Variants in PHF3 observed in about 807,000 individuals in gnomAD.
PHF3 encodes the protein PHD finger protein 3.
In PHF3, 41 loss-of-function variants were observed where a neutral mutation model predicts 178.4. The ratio of observed to expected loss-of-function variants is 0.23; its 90% CI spans 0.18 to 0.30. PHF3 has a LOEUF of 0.30. Among genes scored for constraint, PHF3 ranks in the 10% least tolerant of loss-of-function variants. The pLI, the probability that PHF3 is intolerant of heterozygous loss-of-function variation, is 1.00. For synonymous variants in PHF3, 842 were observed against 800.5 expected, an observed-to-expected ratio of 1.05 and a Z score of -0.88; for missense variants, 2,346 against 2,398.1, an observed-to-expected ratio of 0.98 and a Z score of 0.45.
intron 4 of PHF3, among the ~76,000 whole-genome samples, chr6:63,687,628 G>A (rs75849921): frequency 6.6e-6 from 1 of 152,212 alleles, no homozygotes; most frequent in Non-Finnish European, 1.5e-5. Flanking sequence ...CTTTGGCATA[G>A]AGTTGGAAGC....
Position 63,717,485 on chromosome 6 carries a change from G to T in PHF3, c.*3777G>T, listed in dbSNP as rs1768225867. On this transcript the variant is annotated 3_prime_UTR_variant, in exon 16 of 16. Transcript: ENST00000262043. ...TAAAATTGGTTACTGCTTTTAAAAA[G>T]GTGCCAAACACCCTAATTCTTTGAT... Among the ~76,000 whole-genome samples, 1 of 151,654 alleles carries T rather than the reference G, an allele frequency of 6.6e-6. No individual in the cohort carries two copies. Among genetic ancestry groups the T allele is most frequent in the African/African-American group, 2.4e-5 (1 of 41,220 alleles).
intron 2 of PHF3, among the ~76,000 whole-genome samples, chr6:63,658,708 TTGTGTG>T (rs3071174): frequency 0.052 from 7,532 of 145,158 alleles, 196 homozygotes; most frequent in Middle Eastern, 0.091. Flanking sequence ...CCAATAGATT[TTGTGTG>T]TGTGTGTGTG....
rs2149624711 is a variant in PHF3 at position 63,721,263 on chromosome 6, T to C, written c.*7555T>C. ...TTGGTCAGGTATACATAAAGATTGG[T>C]GGAGGCAAAGATTATTCAAACAGGA... On this transcript the variant is annotated 3_prime_UTR_variant, in exon 16 of 16. Transcript: ENST00000262043. 1 of 1,551,938 alleles carries C rather than the reference T, an allele frequency of 6.4e-7. No homozygotes were observed. The highest frequency in any genetic ancestry group is 8.7e-7 in the Non-Finnish European group (1 of 1,146,978).
intron 1 of PHF3, among the ~76,000 whole-genome samples, chr6:63,642,063 G>A (rs760503595): frequency 6.6e-6 from 1 of 152,160 alleles, no homozygotes; most frequent in Non-Finnish European, 1.5e-5. Flanking sequence ...ATAATTCTCT[G>A]AGAATTACAG....
intron 5 of PHF3, 88 bp downstream of exon 5, chr6:63,692,131 G>A: frequency 4.4e-6 from 4 of 914,106 alleles, no homozygotes; most frequent in Non-Finnish European, 6.4e-6. Flanking sequence ...CTCTTTAGAA[G>A]TTTTAATGTT....
At position 63,722,534 on chromosome 6, in the gene PHF3, G is replaced by A. The variant is rs942158898; in HGVS notation, c.*8826G>A. 2.6e-5 allele frequency among the ~76,000 whole-genome samples: 4 copies of A among 152,300 alleles called. No individual in the cohort carries two copies. Among genetic ancestry groups the A allele is most frequent in the Middle Eastern group, 3.4e-3 (1 of 294 alleles). ...TGAAGTTGCAATGAGGCATTCAGAA[G>A]AAAAGTAAAGGCAATTCTGCAAGCT... On this transcript the variant is annotated 3_prime_UTR_variant, in exon 16 of 16. Coordinates refer to ENST00000262043, the MANE Select transcript of PHF3 (RefSeq NM_001370348.2).
At chr6:63,639,267 T>C (rs950863018) in intron 1 of PHF3, among the ~76,000 whole-genome samples, 3 of 152,160 alleles carry the variant, frequency 2.0e-5, no homozygotes, top group Admixed American at 2.0e-4. Context: ...TCGAAGAGCG[T>C]GGTAGATTAT....
In PHF3 at chr6:63,691,780, G is replaced by A. The variant is rs1386838075; in HGVS notation, c.2233G>A (p.Asp745Asn). 6.2e-7 allele frequency: 1 copy of A among 1,613,254 alleles called. No individual in the cohort carries two copies. ...GAGATGTGATGACTGGTTTCATGGT[G>A]ATTGTGTTGGGTTAAGTCTTTCTCA... ...CGRCDDWFHG[D>N]CVGLSLSQAQ... The change falls in exon 5 of 16, where the codon GAT becomes AAT. Residue 745 changes from aspartate (D) to asparagine (N), a missense_variant. Asp to Asn is a conservative substitution (Grantham distance 23). Coordinates refer to ENST00000262043, the MANE Select transcript of PHF3 (RefSeq NM_001370348.2).
chr6:63,696,449 G>A (rs1006936794), intron 6 of PHF3, among the ~76,000 whole-genome samples: 4 of 150,152 alleles, frequency 2.7e-5, no homozygotes, highest in African/African-American at 9.8e-5. Context: ...CCTCCTGAGT[G>A]GCTGGACTAC....
chr6:63,640,315 T>C (rs1764519204), intron 1 of PHF3, among the ~76,000 whole-genome samples: 1 of 152,208 alleles, frequency 6.6e-6, no homozygotes, highest in African/African-American at 2.4e-5. Context: ...AGTGTTGTTA[T>C]ATCATAGTAG....
At position 63,668,418 on chromosome 6, in the gene PHF3, C is replaced by T. The variant is rs112764451; in HGVS notation, c.245-11582C>T. On this transcript the variant is annotated intron_variant, in intron 2 of 15. Coordinates refer to ENST00000262043, the MANE Select transcript of PHF3 (RefSeq NM_001370348.2). ...GCGTGATCATGGCTCACTACAGCCT[C>T]GACCTCCTGGGCTTAAGTGATCCTC... is the stretch of plus-strand genomic sequence containing the variant. Among the ~76,000 whole-genome samples, 1,004 of 152,248 alleles carry T rather than the reference C, an allele frequency of 6.6e-3. 9 individuals are homozygous for T. The highest frequency in any genetic ancestry group is 6.9e-3 in the Non-Finnish European group (468 of 68,018).
At chr6:63,689,243 G>A (rs1408322177) in intron 4 of PHF3, among the ~76,000 whole-genome samples, 1 of 152,144 alleles carries the variant, frequency 6.6e-6, no homozygotes. Context: ...CATTTTGTAA[G>A]GAGGAAGTCT....
intron 2 of PHF3, among the ~76,000 whole-genome samples, chr6:63,671,964 C>T (rs1765937844): frequency 6.6e-6 from 1 of 152,076 alleles, no homozygotes. Context: ...CCAGGATGGT[C>T]TTGATCTCCT....
rs778867537 is a variant in PHF3, at chr6:63,684,450, C to T, written c.728C>T (p.Pro243Leu). 1.4e-5 allele frequency: 23 copies of T among 1,613,742 alleles called. No individual in the cohort carries two copies. The highest frequency in any genetic ancestry group is 4.5e-5 in the East Asian group (2 of 44,860). The change falls in exon 4 of 16, where the codon CCG (proline) becomes CTG (leucine). Residue 243 changes from proline (P) to leucine (L), a missense_variant. Physicochemically the swap from Pro to Leu is moderately conservative, Grantham distance 98 (BLOSUM62 -3). This residue lies in a region of PHF3 where 843 missense variants were observed against 795.2 expected (regional missense o/e 1.06). Coordinates refer to ENST00000262043, the MANE Select transcript of PHF3 (RefSeq NM_001370348.2). ...GATTCTAAGCATAAGTGTAATAATC[C>T]GGGAGAAATAGATGTGCCATCTCAT... is the stretch of plus-strand genomic sequence containing the variant. ...GLDSKHKCNN[P>L]GEIDVPSHEL... is the part of the protein sequence containing the mutation.
chr6:63,717,900 A>T lies in PHF3; in HGVS notation c.*4192A>T, dbSNP rs778767878. On this transcript the variant is annotated 3_prime_UTR_variant, in exon 16 of 16. Transcript: ENST00000262043. ...AATATTACTGCACCTTATTTTTAAA[A>T]AATGTTCCGTTTACATTCAACACTT... 1.3e-5 allele frequency among the ~76,000 whole-genome samples: 2 copies of T among 152,048 alleles called. No individual in the cohort carries two copies. The highest frequency in any genetic ancestry group is 2.9e-5 in the Non-Finnish European group (2 of 67,966).
chr6:63,716,689 C>CTTGGTTTCTAGCTTCTAGAGGGCACCCAA lies in PHF3; in HGVS notation c.*2984_*3012dup, dbSNP rs1768199883. On this transcript the variant is annotated 3_prime_UTR_variant, in exon 16 of 16. Coordinates refer to ENST00000262043, the MANE Select transcript of PHF3 (RefSeq NM_001370348.2). ...CAGGGAGATTCCTTTTTTTTTGCGC[C>CTTGGTTTCTAGCTTCTAGAGGGCACCCAA]TTGGTTTCTAGCTTCTAGAGGGCAC... is the stretch of plus-strand genomic sequence containing the variant. Among the ~76,000 whole-genome samples the CTTGGTTTCTAGCTTCTAGAGGGCACCCAA allele has an allele frequency of 1.3e-5, 2 of 151,272 alleles. No individual in the cohort carries two copies. Among genetic ancestry groups the CTTGGTTTCTAGCTTCTAGAGGGCACCCAA allele is most frequent in the South Asian group, 4.2e-4 (2 of 4,810 alleles).
chr6:63,637,700 G>C (rs984327953), intron 1 of PHF3, among the ~76,000 whole-genome samples: 40 of 152,062 alleles, frequency 2.6e-4, no homozygotes, highest in Admixed American at 2.6e-4. Flanking sequence ...TCTGGTGATA[G>C]TAGCAGAGTT....
Position 63,717,248 on chromosome 6 carries a change from T to C in PHF3, c.*3540T>C, listed in dbSNP as rs925792779. ...TCCTAAGTTTTTAATAGTAGCTGTGTTTTTAAAGTTTATGAACCAAACTTA... is the reference window on the plus strand; with the variant it reads ...TCCTAAGTTTTTAATAGTAGCTGTGCTTTTAAAGTTTATGAACCAAACTTA... On this transcript the variant is annotated 3_prime_UTR_variant, in exon 16 of 16. Transcript: ENST00000262043. Among the ~76,000 whole-genome samples, 1 of 152,064 alleles carries C rather than the reference T, an allele frequency of 6.6e-6. No individual in the cohort carries two copies. Among genetic ancestry groups the C allele is most frequent in the African/African-American group, 2.4e-5 (1 of 41,434 alleles).
intron 2 of PHF3, among the ~76,000 whole-genome samples, chr6:63,667,504 TTATCATG>T (rs1765730643): frequency 6.6e-6 from 1 of 152,196 alleles, no homozygotes; most frequent in Non-Finnish European, 1.5e-5. Context: ...TAGTTGAACT[TTATCATG>T]TATCTTCCCA....
Sources: allele counts gnomAD v4.1 joint callset (sites outside exome capture counted in the v4.1 genomes callset), GRCh38; gene constraint gnomAD v4.1.1; regional missense constraint gnomAD v4.1.1; transcripts MANE v1.5; gene names NCBI Gene and HGNC (gene_info 2026-07-23, HGNC 2026-07-21).